The following TBATA variants were observed in gnomAD, a reference collection of about 807,000 sequenced individuals.
The protein encoded by TBATA is protein TBATA.
A neutral mutation model predicts 38.7 loss-of-function variants in TBATA; 47 were observed. The observed-to-expected ratio is 1.21, with a 90% CI of 0.96 to 1.55. The LOEUF is 1.55. Ranked by LOEUF, TBATA falls within the 40% of genes most tolerant of loss-of-function variation. The probability of loss-of-function intolerance (pLI) is 0.00; values close to 1 mark genes in which losing one functional copy is unlikely to be tolerated. For synonymous variants in TBATA, 183 were observed against 170.5 expected (o/e 1.07, Z -0.57); for missense variants, 436 against 435.6 (o/e 1.00, Z -0.01).
intron 9 of TBATA, among the ~76,000 whole-genome samples, chr10:70,773,899 G>T (rs544023331): frequency 6.6e-6 from 1 of 152,346 alleles, no homozygotes; most frequent in African/African-American, 2.4e-5. Context: ...CTCTACTCAT[G>T]TCTTCCCATA....
At chr10:70,782,088 C>G in intron 3 of TBATA, 52 bp from the exon 4 acceptor site, 1 of 1,568,436 alleles carries the variant, frequency 6.4e-7, no homozygotes, top group Non-Finnish European at 8.7e-7. Context: ...TGGCAGTGGG[C>G]CCACCTGGGC....
At chr10:70,782,745 C>T (rs1033536073) in intron 3 of TBATA, 1 of 715,322 alleles carries the variant, frequency 1.4e-6, no homozygotes, top group African/African-American at 1.9e-5. Flanking sequence ...TGCATCTGCC[C>T]TTGGAGGAAG....
At chr10:70,773,467 C>CCCA (rs896599509) in intron 9 of TBATA, among the ~76,000 whole-genome samples, 7 of 151,400 alleles carry the variant, frequency 4.6e-5, no homozygotes, top group African/African-American at 1.7e-4. Context: ...AAATACAGGC[C>CCCA]CCCCCGGCTT....
At position 70,774,168 on chromosome 10, in the gene TBATA, G is replaced by C. The variant is rs137964156; in HGVS notation, c.920+45C>G. The C allele has an allele frequency of 2.8e-5, 45 of 1,604,134 alleles. No individual in the cohort carries two copies. The East Asian group carries it at 1.0e-3, about 36-fold the overall frequency. On this transcript the variant is annotated intron_variant, in intron 9 of 10. Transcript: ENST00000456372. ...TCCAGGTCCCACTGGCCTCACCTGG[G>C]AGGACAGAAGGCTGCAGAAGGGCAG...
chr10:70,783,490 A>C lies in TBATA; in HGVS notation c.-111T>G. On this transcript the variant is annotated 5_prime_UTR_variant, in exon 3 of 11. Coordinates refer to ENST00000456372, the MANE Select transcript of TBATA (RefSeq NM_001318241.2). ...TTGAGGATGCAGAACAGGAACTCTC[A>C]CGAACTGGTGGTGGAAGTGTAAACG... 1.6e-4 allele frequency: 206 copies of C among 1,273,754 alleles called. No homozygotes were observed. Among genetic ancestry groups the C allele is most frequent in the Non-Finnish European group, 2.1e-4 (187 of 884,582 alleles). 78.9% of individuals were successfully genotyped at this position (1,273,754 alleles called of 1,614,324 possible).
chr10:70,771,254 T>A lies in TBATA; in HGVS notation c.*122A>T. ...ACTGTCCTCTCTCAGGGAAGACGGT[T>A]TTATTTAGTAAGAGTTTTCACGGTA... is the stretch of plus-strand genomic sequence containing the variant. On this transcript the variant is annotated 3_prime_UTR_variant, in exon 11 of 11. Coordinates refer to ENST00000456372, the MANE Select transcript of TBATA (RefSeq NM_001318241.2). The A allele has an allele frequency of 1.3e-6, 2 of 1,596,830 alleles. No individual in the cohort carries two copies. The highest frequency in any genetic ancestry group is 1.7e-6 in the Non-Finnish European group (2 of 1,169,190).
At chr10:70,774,523 T>G (rs192679281) in intron 8 of TBATA, among the ~76,000 whole-genome samples, 166 bp from the exon 9 acceptor site, 1 of 152,212 alleles carries the variant, frequency 6.6e-6, no homozygotes, top group East Asian at 1.9e-4. Flanking sequence ...GGCCCATGTG[T>G]GCAGAGCCCC....
intron 8 of TBATA, 116 bp from the exon 9 acceptor site, chr10:70,774,473 T>C (rs1843132448): frequency 1.0e-6 from 1 of 1,003,568 alleles, no homozygotes; most frequent in South Asian, 1.6e-5. Context: ...TCCCACCTTC[T>C]GCCCTCAGGT....
chr10:70,775,830 C>T (rs922933442), intron 7 of TBATA, among the ~76,000 whole-genome samples: 6 of 152,212 alleles, frequency 3.9e-5, no homozygotes, highest in African/African-American at 1.4e-4. Flanking sequence ...GCAGCACAGG[C>T]CGGTTCTGCA....
At chr10:70,780,678 C>T (rs1280164241) in intron 4 of TBATA, among the ~76,000 whole-genome samples, 3 of 152,110 alleles carry the variant, frequency 2.0e-5, no homozygotes, top group Non-Finnish European at 2.9e-5. Flanking sequence ...TCACCCATCT[C>T]CCACATCAGA....
intron 5 of TBATA, among the ~76,000 whole-genome samples, chr10:70,778,985 G>A (rs1843780002): frequency 6.6e-6 from 1 of 152,206 alleles, no homozygotes; most frequent in South Asian, 2.1e-4. Context: ...GGTCCCTGAG[G>A]CCAAGACTGA....
At chr10:70,777,867 A>G (rs1843632462) in intron 6 of TBATA, 1 of 438,908 alleles carries the variant, frequency 2.3e-6, no homozygotes, top group Non-Finnish European at 4.5e-6. Flanking sequence ...CCTTCCCCCC[A>G]TTTTAAAGAT....
intron 6 of TBATA, chr10:70,777,785 C>G (rs921036253): frequency 1.8e-5 from 8 of 453,890 alleles, no homozygotes; most frequent in African/African-American, 1.4e-4. Flanking sequence ...TCAGCTGCCC[C>G]CAGGTCTGTC....
At chr10:70,772,310 C>A in intron 10 of TBATA, 1 of 714,452 alleles carries the variant, frequency 1.4e-6, no homozygotes, top group Non-Finnish European at 2.6e-6. Flanking sequence ...CTGAATTCTT[C>A]CTCACTGATC....
Position 70,774,211 on chromosome 10 carries a change from A to C in TBATA, c.920+2T>G. ...AAGGGCAGGGCGGGGTGCGGGGCCC[A>C]CCTGCAGGGTGGCTCTTGCTTCTCT... On this transcript the variant is annotated splice_donor_variant, in intron 9 of 10. Transcript: ENST00000456372. LOFTEE classifies it high-confidence loss of function. 1 of 1,611,764 alleles carries C rather than the reference A, an allele frequency of 6.2e-7. No homozygotes were observed. Among genetic ancestry groups the C allele is most frequent in the Non-Finnish European group, 8.5e-7 (1 of 1,179,498 alleles).
intron 2 of TBATA, among the ~76,000 whole-genome samples, chr10:70,784,199 A>C (rs1001344078): frequency 1.3e-5 from 2 of 152,232 alleles, no homozygotes; most frequent in Non-Finnish European, 1.5e-5. Flanking sequence ...AGGAAATGCT[A>C]AGCACGAAAT....
At chr10:70,775,674 T>A (rs1312644797) in intron 7 of TBATA, among the ~76,000 whole-genome samples, 1 of 152,068 alleles carries the variant, frequency 6.6e-6, no homozygotes, top group Admixed American at 6.5e-5. Flanking sequence ...GCCAGTCAGC[T>A]CCTCAGAGAC....
intron 3 of TBATA, 142 bp downstream of exon 3, chr10:70,783,197 G>T: frequency 1.1e-6 from 1 of 942,014 alleles, no homozygotes; most frequent in Non-Finnish European, 1.6e-6. Context: ...TGGGGGGTCT[G>T]GCTGACCGGC....
chr10:70,772,187 A>G, intron 10 of TBATA: 3 of 537,768 alleles, frequency 5.6e-6, no homozygotes, highest in Non-Finnish European at 3.7e-6. Flanking sequence ...TACTGACCAC[A>G]GAGCCTTGTT....
Sources: allele counts gnomAD v4.1 joint callset (sites outside exome capture counted in the v4.1 genomes callset), GRCh38; gene constraint gnomAD v4.1.1; transcripts MANE v1.5; gene names NCBI Gene and HGNC (gene_info 2026-07-23, HGNC 2026-07-21).